PRSS50: variants seen among roughly 807,000 people sequenced by gnomAD.
The protein encoded by PRSS50 is serine protease 50.
Under a neutral mutation model 34.2 loss-of-function variants are expected in PRSS50, and 23 were observed. The observed-to-expected ratio is 0.67, with a 90% CI of 0.48 to 0.95. The LOEUF is 0.95. PRSS50 is among the 40% of genes least tolerant of loss of function. The pLI, the probability that PRSS50 is intolerant of heterozygous loss-of-function variation, is 0.00. For missense variants in PRSS50, 484 were observed against 513.4 expected, an observed-to-expected ratio of 0.94 and a Z score of 0.55; for synonymous variants, 224 against 211.2, an observed-to-expected ratio of 1.06 and a Z score of -0.53.
At position 46,717,830 on chromosome 3, in the gene PRSS50, G is replaced by A; in HGVS notation, c.-6C>T. The A allele has an allele frequency of 6.7e-7, 1 of 1,494,748 alleles. No homozygotes were observed. The highest frequency in any genetic ancestry group is 8.9e-7 in the Non-Finnish European group (1 of 1,124,276). The allele number at this position is 1,494,748 out of a possible 1,614,324, so 92.6% of individuals were successfully genotyped here. A position where few individuals can be genotyped will look rare whatever the true frequency, so the allele number is the denominator to read the frequency against. On this transcript the variant is annotated 5_prime_UTR_variant, in exon 1 of 6. Transcript: ENST00000315170. This position sits in a 1 kb window ranked among gnomAD's most constrained non-coding sequence, Gnocchi z 4.5. ...GTCTGGCACCAGCGACCCATCCCGG[G>A]GTGGCAGCCGACTGCGTCTCTCCGG... is the stretch of plus-strand genomic sequence containing the variant.
Position 46,717,424 on chromosome 3 carries a change from C to T in PRSS50, c.307+13G>A, listed in dbSNP as rs374788868. The T allele has an allele frequency of 1.9e-6, 3 of 1,613,790 alleles. No homozygotes were observed. Among genetic ancestry groups the T allele is most frequent in the Admixed American group, 1.7e-5 (1 of 60,014 alleles). ...CCTCCTTGCCCCACGGAGTCTACAC[C>T]CCTGGTACTCACAGCGGTATGGGTC... On this transcript the variant is annotated intron_variant, in intron 2 of 5. Transcript: ENST00000315170. The surrounding 1 kb of genome is among the most constrained non-coding windows in gnomAD (Gnocchi z 4.5).
At position 46,712,155 on chromosome 3, in the gene PRSS50, C is replaced by G; in HGVS notation, c.*91G>C. On this transcript the variant is annotated 3_prime_UTR_variant, in exon 6 of 6. Transcript: ENST00000315170. ...AATGTTTAATTGAGCACCTCATCTCCACCCTGACTCTCAGGGCTGTGACAG... is the reference window on the plus strand; with the variant it reads ...AATGTTTAATTGAGCACCTCATCTCGACCCTGACTCTCAGGGCTGTGACAG... 1 of 1,142,598 alleles carries G rather than the reference C, an allele frequency of 8.8e-7. No individual in the cohort carries two copies. The highest frequency in any genetic ancestry group is 2.3e-5 in the Admixed American group (1 of 42,572). 70.8% of individuals were successfully genotyped at this position (1,142,598 alleles called of 1,614,324 possible).
Position 46,717,356 on chromosome 3 carries a change from G to C in PRSS50, c.307+81C>G, listed in dbSNP as rs1700696545. ...TATCCTGCTCGCCCCCGTCCCTTCT[G>C]CTCCCCTAGCCCCAGCCAAGGTCCT... On this transcript the variant is annotated intron_variant, in intron 2 of 5. Coordinates refer to ENST00000315170, the MANE Select transcript of PRSS50 (RefSeq NM_013270.5). This position sits in a 1 kb window ranked among gnomAD's most constrained non-coding sequence, Gnocchi z 4.5. The C allele has an allele frequency of 2.0e-6, 3 of 1,508,338 alleles. No homozygotes were observed. The highest frequency in any genetic ancestry group is 2.7e-6 in the Non-Finnish European group (3 of 1,094,924). 93.4% of individuals were successfully genotyped at this position (1,508,338 alleles called of 1,614,324 possible).
chr3:46,712,457 C>T lies in PRSS50; in HGVS notation c.947G>A (p.Cys316Tyr). Residue 316 changes from cysteine (C) to tyrosine (Y), a missense_variant, in exon 6 of 6, where the codon TGC (cysteine) becomes TAC (tyrosine). Coordinates refer to ENST00000315170, the MANE Select transcript of PRSS50 (RefSeq NM_013270.5). Reference sequence around the variant, plus strand: ...CAGGTACCACGTGCCCTCCATGGAGCAGACCAAGGGCTCTCCAGTTAGCTC... The same window carrying T: ...CAGGTACCACGTGCCCTCCATGGAGTAGACCAAGGGCTCTCCAGTTAGCTC... ...CYELTGEPLV[C>Y]SMEGTWYLVG... 1.2e-6 allele frequency: 2 copies of T among 1,614,066 alleles called. No individual in the cohort carries two copies. The highest frequency in any genetic ancestry group is 8.5e-7 in the Non-Finnish European group (1 of 1,179,976).
chr3:46,712,871 A>G lies in PRSS50; in HGVS notation c.921+30T>C. ...GATGCCTCTCCCCCAGGTGCCCCTG[A>G]AGGGGAGTGAGCGAGGAGAGGCCGC... On this transcript the variant is annotated intron_variant, in intron 5 of 5. Transcript: ENST00000315170. The G allele has an allele frequency of 5.6e-6, 9 of 1,599,810 alleles. No homozygotes were observed. The South Asian group carries it at 8.8e-5, about 16-fold the overall frequency.
chr3:46,716,528 C>T lies in PRSS50; in HGVS notation c.308-831G>A, dbSNP rs1373248472. 4.6e-5 allele frequency among the ~76,000 whole-genome samples: 7 copies of T among 152,096 alleles called. No individual in the cohort carries two copies. The highest frequency in any genetic ancestry group is 4.1e-4 in the South Asian group (2 of 4,820). On this transcript the variant is annotated intron_variant, in intron 2 of 5. Transcript: ENST00000315170. The surrounding 1 kb of genome is among the most constrained non-coding windows in gnomAD (Gnocchi z 4.4). ...ATCTTACTGCCTCAGCCTCCAAAAG[C>T]GCTGGGATTATAAGCATGACCCACT... is the stretch of plus-strand genomic sequence containing the variant.
rs151210292 is a variant in PRSS50 at position 46,717,629 on chromosome 3, C to A, written c.115G>T (p.Gly39Cys). Residue 39 changes from glycine (G) to cysteine (C), a missense_variant, in exon 2 of 6, where the codon GGC (glycine) becomes TGC (cysteine). Transcript: ENST00000315170. The surrounding 1 kb of genome is among the most constrained non-coding windows in gnomAD (Gnocchi z 4.5). ...LLLLRSAGCW[G>C]AGEAPGALST... ...AGCGCCCCCGGGGCTTCCCCTGCGCCCCAGCAACCTGCGGAGGACGTCGAG... is the reference window on the plus strand; with the variant it reads ...AGCGCCCCCGGGGCTTCCCCTGCGCACCAGCAACCTGCGGAGGACGTCGAG... The A allele has an allele frequency of 2.5e-6, 4 of 1,612,842 alleles. No homozygotes were observed. In the African/African-American group the frequency reaches 5.3e-5, roughly 21 times the overall value.
Position 46,715,414 on chromosome 3 carries a change from T to G in PRSS50, c.470+121A>C. 7.6e-7 allele frequency: 1 copy of G among 1,323,524 alleles called. No individual in the cohort carries two copies. The highest frequency in any genetic ancestry group is 1.0e-6 in the Non-Finnish European group (1 of 974,158). The allele number at this position is 1,323,524 out of a possible 1,614,324, so 82.0% of individuals were successfully genotyped here. On this transcript the variant is annotated intron_variant, in intron 3 of 5. Coordinates refer to ENST00000315170, the MANE Select transcript of PRSS50 (RefSeq NM_013270.5). This position sits in a 1 kb window ranked among gnomAD's most constrained non-coding sequence, Gnocchi z 5.2. The stretch of plus-strand genomic sequence containing the variant: ...TTTCAGGACTCAGCCTCCACCTGCT[T>G]GGAGCCCAGATGAGGCTGGGGCTGG...
intron 5 of PRSS50, 35 bp from the exon 6 acceptor site, chr3:46,712,517 G>T: frequency 6.3e-7 from 1 of 1,596,388 alleles, no homozygotes; most frequent in African/African-American, 1.3e-5. Context: ...GGGTCAGGGA[G>T]GCCAGGCAAG....
At position 46,712,384 on chromosome 3, in the gene PRSS50, T is replaced by TG; in HGVS notation, c.1019dup (p.Pro341ThrfsTer73). On this transcript the variant is annotated frameshift_variant, in exon 6 of 6. Transcript: ENST00000315170. LOFTEE classifies it low-confidence loss of function (END_TRUNC). ...AGGAGGAGACCTGTAGGTAGATGGGTGGGGCCTCGCTCTTCTGGCAGCCTG... is the reference window on the plus strand; with the variant it reads ...AGGAGGAGACCTGTAGGTAGATGGGTGGGGGCCTCGCTCTTCTGGCAGCCTG... The TG allele has an allele frequency of 6.2e-7, 1 of 1,613,668 alleles. No individual in the cohort carries two copies. Among genetic ancestry groups the TG allele is most frequent in the South Asian group, 1.1e-5 (1 of 91,050 alleles).
At chr3:46,714,763 A>G (rs1700659538) in intron 3 of PRSS50, among the ~76,000 whole-genome samples, 1 of 152,204 alleles carries the variant, frequency 6.6e-6, no homozygotes, top group Non-Finnish European at 1.5e-5. Context: ...TCAGGGCTGC[A>G]TAGCTAGGAG....
chr3:46,717,430 T>C lies in PRSS50; in HGVS notation c.307+7A>G. ...TGCCCCACGGAGTCTACACCCCTGG[T>C]ACTCACAGCGGTATGGGTCGACTTT... On this transcript the variant is annotated splice_region_variant and intron_variant, in intron 2 of 5. Coordinates refer to ENST00000315170, the MANE Select transcript of PRSS50 (RefSeq NM_013270.5). The surrounding 1 kb of genome is among the most constrained non-coding windows in gnomAD (Gnocchi z 4.5). The C allele has an allele frequency of 6.2e-7, 1 of 1,613,518 alleles. No individual in the cohort carries two copies. The highest frequency in any genetic ancestry group is 8.5e-7 in the Non-Finnish European group (1 of 1,179,642).
In PRSS50 at chr3:46,716,161, G is replaced by A. The variant is rs946086565; in HGVS notation, c.308-464C>T. Among the ~76,000 whole-genome samples, 2 of 152,188 alleles carry A rather than the reference G, an allele frequency of 1.3e-5. No homozygotes were observed. The highest frequency in any genetic ancestry group is 4.8e-5 in the African/African-American group (2 of 41,450). On this transcript the variant is annotated intron_variant, in intron 2 of 5. Transcript: ENST00000315170. The surrounding 1 kb of genome is among the most constrained non-coding windows in gnomAD (Gnocchi z 4.4). ...AACAGAAAAATGGGCATAGTCCAAGGAGAAAATCCCAGTAGCCAATGACCA... is the reference window on the plus strand; with the variant it reads ...AACAGAAAAATGGGCATAGTCCAAGAAGAAAATCCCAGTAGCCAATGACCA...
At position 46,714,321 on chromosome 3, in the gene PRSS50, C is replaced by T. The variant is rs1032566477; in HGVS notation, c.651G>A (p.Lys217=). 1 of 1,614,156 alleles carries T rather than the reference C, an allele frequency of 6.2e-7. No homozygotes were observed. Among genetic ancestry groups the T allele is most frequent in the Non-Finnish European group, 8.5e-7 (1 of 1,180,044 alleles). Residue 217 remains lysine, a synonymous_variant, in exon 4 of 6, where the codon AAG becomes AAA. Coordinates refer to ENST00000315170, the MANE Select transcript of PRSS50 (RefSeq NM_013270.5). The stretch of plus-strand genomic sequence containing the variant: ...AGATGGGCCGCACGTAATTGCTGTA[C>T]TTGAGTTCCTGCTTGAGCTTGAGGA... The part of the protein sequence containing the change: ...IGLLKLKQEL[K]YSNYVRPICL...
intron 4 of PRSS50, 125 bp from the exon 5 acceptor site, chr3:46,713,192 T>C: frequency 8.3e-7 from 1 of 1,205,300 alleles, no homozygotes. Context: ...ACCTCTGCCC[T>C]CGTTCTAGCC....
Position 46,717,642 on chromosome 3 carries a change from G to A in PRSS50, c.107-5C>T, listed in dbSNP as rs763497346. On this transcript the variant is annotated splice_region_variant and splice_polypyrimidine_tract_variant and intron_variant, in intron 1 of 5. Coordinates refer to ENST00000315170, the MANE Select transcript of PRSS50 (RefSeq NM_013270.5). This position sits in a 1 kb window ranked among gnomAD's most constrained non-coding sequence, Gnocchi z 4.5. The stretch of plus-strand genomic sequence containing the variant: ...CTTCCCCTGCGCCCCAGCAACCTGC[G>A]GAGGACGTCGAGCGGATTAGAGGTG... The A allele has an allele frequency of 3.1e-6, 5 of 1,611,962 alleles. No homozygotes were observed. The South Asian group carries it at 4.4e-5, about 14-fold the overall frequency.
Position 46,715,756 on chromosome 3 carries a change from C to A in PRSS50, c.308-59G>T, listed in dbSNP as rs941645519. 47 of 1,501,226 alleles carry A rather than the reference C, an allele frequency of 3.1e-5. No individual in the cohort carries two copies. The African/African-American group carries it at 6.4e-4, about 20-fold the overall frequency. The allele number at this position is 1,501,226 out of a possible 1,614,324, so 93.0% of individuals were successfully genotyped here. A position where few individuals can be genotyped will look rare whatever the true frequency, so the allele number is the denominator to read the frequency against. On this transcript the variant is annotated intron_variant, in intron 2 of 5. Coordinates refer to ENST00000315170, the MANE Select transcript of PRSS50 (RefSeq NM_013270.5). The surrounding 1 kb of genome is among the most constrained non-coding windows in gnomAD (Gnocchi z 5.2). Reference sequence around the variant, plus strand: ...GATCTTTCCCTGTCCCTCCCCTCCCCCAGCCTGACCTCGTGCCTCTCCAGC... The same window carrying A: ...GATCTTTCCCTGTCCCTCCCCTCCCACAGCCTGACCTCGTGCCTCTCCAGC...
Position 46,712,388 on chromosome 3 carries a change from G to T in PRSS50, c.1016C>A (p.Ala339Asp). Residue 339 changes from alanine to aspartate, a missense_variant, in exon 6 of 6, where the codon GCC becomes GAC. Ala to Asp is a moderately radical substitution (Grantham distance 126, BLOSUM62 -2). Transcript: ENST00000315170. ...GGAGACCTGTAGGTAGATGGGTGGG[G>T]CCTCGCTCTTCTGGCAGCCTGCACC... ...SWGAGCQKSE[A>D]PPIYLQVSSY... 1 of 1,613,906 alleles carries T rather than the reference G, an allele frequency of 6.2e-7. No homozygotes were observed. The highest frequency in any genetic ancestry group is 8.5e-7 in the Non-Finnish European group (1 of 1,179,940).
Position 46,712,317 on chromosome 3 carries a change from C to T in PRSS50, c.1087G>A (p.Ala363Thr), listed in dbSNP as rs1391916141. The change falls in exon 6 of 6, where the codon GCC becomes ACC. Residue 363 changes from alanine to threonine, a missense_variant. Ala to Thr is a moderately conservative substitution (Grantham distance 58). Transcript: ENST00000315170. ...AGGGTCCTGGATGGGGCTGGCAGGG[C>T]CAGGGCCTGCCCGTTGAGGCAGTCC... is the stretch of plus-strand genomic sequence containing the variant. ...IWDCLNGQAL[A>T]LPAPSRTLLL... The T allele has an allele frequency of 2.5e-6, 4 of 1,613,276 alleles. No homozygotes were observed. Among genetic ancestry groups the T allele is most frequent in the Non-Finnish European group, 8.5e-7 (1 of 1,179,818 alleles).
Sources: allele counts gnomAD v4.1 joint callset (sites outside exome capture counted in the v4.1 genomes callset), GRCh38; gene constraint gnomAD v4.1.1; non-coding constraint Gnocchi (gnomAD v3.1); transcripts MANE v1.5; gene names NCBI Gene and HGNC (gene_info 2026-07-23, HGNC 2026-07-21).